The following MSRA variants were observed in gnomAD, a reference collection of about 807,000 sequenced individuals.
MSRA encodes methionine sulfoxide reductase A, also known as mitochondrial peptide methionine sulfoxide reductase.
In MSRA, 54 loss-of-function variants were observed where a neutral mutation model predicts 31.3. The ratio of observed to expected loss-of-function variants is 1.73; its 90% CI spans 1.39 to 2.17. MSRA has a LOEUF of 2.17. Among genes scored for constraint, MSRA ranks in the 30% most tolerant of loss-of-function variants. The pLI, the probability that MSRA is intolerant of heterozygous loss-of-function variation, is 0.00. For synonymous variants in MSRA, 169 were observed against 116.5 expected (o/e 1.45, Z -2.90); for missense variants, 507 against 300.9 (o/e 1.69, Z -5.07).
intron 1 of MSRA, among the ~76,000 whole-genome samples, chr8:10,188,288 A>T (rs1289585169): frequency 6.6e-6 from 1 of 152,208 alleles, no homozygotes. Flanking sequence ...AAATTATATC[A>T]CATTTGTGGA....
intron 1 of MSRA, among the ~76,000 whole-genome samples, chr8:10,161,828 C>T (rs6991654): frequency 0.67 from 101,705 of 151,938 alleles, 35,830 homozygotes; most frequent in Non-Finnish European, 0.79. Context: ...AATCCCGCCC[C>T]GCCCCTGATA....
intron 1 of MSRA, among the ~76,000 whole-genome samples, chr8:10,140,348 C>T (rs1802601212): frequency 6.6e-6 from 1 of 152,182 alleles, no homozygotes; most frequent in South Asian, 2.1e-4. Context: ...GCTTCTGCTG[C>T]TTTCTTGAAT....
At chr8:10,286,151 T>A (rs2975635) in intron 3 of MSRA, among the ~76,000 whole-genome samples, 24 of 151,980 alleles carry the variant, frequency 1.6e-4, no homozygotes, top group African/African-American at 4.3e-4. Flanking sequence ...TCCTGTGTTA[T>A]GGTGCTCGTC....
chr8:10,364,385 T>C (rs1805038053), intron 5 of MSRA, among the ~76,000 whole-genome samples: 1 of 152,172 alleles, frequency 6.6e-6, no homozygotes, highest in African/African-American at 2.4e-5. Flanking sequence ...GAGATGCTGT[T>C]GTGTCTCGAA....
intron 1 of MSRA, among the ~76,000 whole-genome samples, chr8:10,096,880 A>C (rs1372966420): frequency 6.6e-6 from 1 of 152,196 alleles, no homozygotes; most frequent in Non-Finnish European, 1.5e-5. Flanking sequence ...TGTAGGATTA[A>C]GTTATGACTT....
chr8:10,205,877 C>G (rs1008280308), intron 1 of MSRA, among the ~76,000 whole-genome samples: 8 of 152,180 alleles, frequency 5.3e-5, no homozygotes, highest in African/African-American at 1.9e-4. Flanking sequence ...TTCTGTATCT[C>G]TCTCAAGGCT....
In MSRA at chr8:10,165,106, A is replaced by G. The variant is rs551942800; in HGVS notation, c.143-42727A>G. 3.9e-5 allele frequency among the ~76,000 whole-genome samples: 6 copies of G among 152,286 alleles called. No individual in the cohort carries two copies. In the East Asian group the frequency reaches 1.2e-3, roughly 29 times the overall value. Reference sequence around the variant, plus strand: ...TGGAGAGTGAAGTCCGGGTGTTAATATTTTAAAAAGGCTCCCCAGGTAATT... The same window carrying G: ...TGGAGAGTGAAGTCCGGGTGTTAATGTTTTAAAAAGGCTCCCCAGGTAATT... On this transcript the variant is annotated intron_variant, in intron 1 of 5. Coordinates refer to ENST00000317173, the MANE Select transcript of MSRA (RefSeq NM_012331.5).
Position 10,381,814 on chromosome 8 carries a change from A to G in MSRA, c.544-46334A>G, listed in dbSNP as rs114950604. 3.9e-3 allele frequency among the ~76,000 whole-genome samples: 589 copies of G among 152,292 alleles called. 2 individuals are homozygous for G. Among genetic ancestry groups the G allele is most frequent in the African/African-American group, 0.013 (557 of 41,544 alleles). On this transcript the variant is annotated intron_variant, in intron 5 of 5. Transcript: ENST00000317173. ...CCGTGGAGATCAAGGAGCTGTAACA[A>G]TGACACCTGAAGTCACTGCCATCTT...
At position 10,345,145 on chromosome 8, in the gene MSRA, C is replaced by T. The variant is rs1340002348; in HGVS notation, c.543+25156C>T. The stretch of plus-strand genomic sequence containing the variant: ...CCCCAATTCCAAGAGCTTATCAAGC[C>T]TCTGCTTCCTATGCTGATGTTCCTT... On this transcript the variant is annotated intron_variant, in intron 5 of 5. Coordinates refer to ENST00000317173, the MANE Select transcript of MSRA (RefSeq NM_012331.5). 2.0e-5 allele frequency among the ~76,000 whole-genome samples: 3 copies of T among 152,160 alleles called. No homozygotes were observed. In the East Asian group the frequency reaches 5.8e-4, roughly 29 times the overall value.
At chr8:10,331,640 C>T (rs1309219559) in intron 5 of MSRA, among the ~76,000 whole-genome samples, 1 of 152,160 alleles carries the variant, frequency 6.6e-6, no homozygotes, top group African/African-American at 2.4e-5. Context: ...ATCTTTCAGG[C>T]ATTTTACGAA....
At chr8:10,380,879 G>T (rs1381791471) in intron 5 of MSRA, among the ~76,000 whole-genome samples, 1 of 151,416 alleles carries the variant, frequency 6.6e-6, no homozygotes, top group Non-Finnish European at 1.5e-5. Context: ...GGATGGGTGG[G>T]TGGGTAGATG....
chr8:10,383,472 G>A (rs867782456), intron 5 of MSRA, among the ~76,000 whole-genome samples: 5 of 152,266 alleles, frequency 3.3e-5, no homozygotes, highest in Middle Eastern at 3.4e-3. Context: ...TTTCAATTTG[G>A]TTCCTGCGGC....
chr8:10,175,191 T>C (rs1357507198), intron 1 of MSRA, among the ~76,000 whole-genome samples: 6 of 152,144 alleles, frequency 3.9e-5, no homozygotes, highest in Non-Finnish European at 8.8e-5. Flanking sequence ...GATGCCACGA[T>C]GGTCACACTG....
At chr8:10,323,442 T>A (rs1245426841) in intron 5 of MSRA, among the ~76,000 whole-genome samples, 2 of 152,158 alleles carry the variant, frequency 1.3e-5, no homozygotes. Flanking sequence ...TCCTGGTGTT[T>A]GCAATGAAGA....
In MSRA at chr8:10,393,629, G is replaced by A. The variant is rs149434790; in HGVS notation, c.544-34519G>A. 1.5e-4 allele frequency among the ~76,000 whole-genome samples: 23 copies of A among 152,298 alleles called. No homozygotes were observed. In the East Asian group the frequency reaches 4.2e-3, roughly 28 times the overall value. ...TATGGCTAGCCTGGGAGTCTTCTGTGCATGTGATTATAGCGCGGAAAATGT... is the reference window on the plus strand; with the variant it reads ...TATGGCTAGCCTGGGAGTCTTCTGTACATGTGATTATAGCGCGGAAAATGT... On this transcript the variant is annotated intron_variant, in intron 5 of 5. Coordinates refer to ENST00000317173, the MANE Select transcript of MSRA (RefSeq NM_012331.5).
intron 1 of MSRA, among the ~76,000 whole-genome samples, chr8:10,107,834 C>A (rs1799995730): frequency 6.6e-6 from 1 of 152,156 alleles, no homozygotes; most frequent in Admixed American, 6.5e-5. Flanking sequence ...GTGGGCAGAA[C>A]TGTACCTAAA....
At chr8:10,071,207 G>T (rs1280886109) in intron 1 of MSRA, among the ~76,000 whole-genome samples, 1 of 152,204 alleles carries the variant, frequency 6.6e-6, no homozygotes, top group Non-Finnish European at 1.5e-5. Context: ...TGATAGCTAT[G>T]TAGTGATATC....
intron 1 of MSRA, among the ~76,000 whole-genome samples, chr8:10,085,883 T>C (rs192231079): frequency 6.1e-4 from 93 of 152,364 alleles, no homozygotes; most frequent in Admixed American, 1.2e-3. Context: ...CCTAGCATAG[T>C]GTTCCTGTGG....
intron 2 of MSRA, among the ~76,000 whole-genome samples, chr8:10,221,802 T>C (rs1038261461): frequency 5.3e-5 from 8 of 152,150 alleles, no homozygotes; most frequent in Non-Finnish European, 1.2e-4. Flanking sequence ...AGAGAAGTCA[T>C]GAAGGAAAAA....
Sources: gnomAD v4.1 joint callset for allele counts (sites outside exome capture counted in the v4.1 genomes callset) on GRCh38, gnomAD v4.1.1 for gene constraint, MANE v1.5 for transcripts, NCBI Gene and HGNC (gene_info 2026-07-23, HGNC 2026-07-21) for gene names.